The following ZBTB24 variants were observed in gnomAD, a reference collection of about 807,000 sequenced individuals.
ZBTB24 encodes zinc finger and BTB domain containing 24, also known as zinc finger and BTB domain-containing protein 24.
A neutral mutation model predicts 53.8 loss-of-function variants in ZBTB24; 32 were observed. The ratio of observed to expected loss-of-function variants is 0.60; its 90% CI spans 0.45 to 0.80. ZBTB24 has a LOEUF of 0.80. Among genes scored for constraint, ZBTB24 ranks in the 30% least tolerant of loss-of-function variants. The pLI is 0.00. For synonymous variants in ZBTB24, 297 were observed against 306.7 expected, an observed-to-expected ratio of 0.97 and a Z score of 0.33; for missense variants, 722 against 837.1, an observed-to-expected ratio of 0.86 and a Z score of 1.70.
chr6:109,473,927 A>G (rs1437890893), intron 5 of ZBTB24, among the ~76,000 whole-genome samples: 1 of 152,016 alleles, frequency 6.6e-6, no homozygotes, highest in Non-Finnish European at 1.5e-5. Context: ...TCTACAAAAA[A>G]AAAACACAAA....
chr6:109,482,199 C>G lies in ZBTB24; in HGVS notation c.-28-145G>C, dbSNP rs143861863. On this transcript the variant is annotated intron_variant, in intron 1 of 6. Coordinates refer to ENST00000230122, the MANE Select transcript of ZBTB24 (RefSeq NM_014797.3). ...TCTGTCTACAAACTTAGCTCTGGGCCCGGGCGCAGTGGCCTCACGCCTGTA... is the reference window on the plus strand; with the variant it reads ...TCTGTCTACAAACTTAGCTCTGGGCGCGGGCGCAGTGGCCTCACGCCTGTA... 3.9e-3 allele frequency: 2,851 copies of G among 722,432 alleles called. 21 individuals are homozygous for G. The highest frequency in any genetic ancestry group is 0.019 in the Middle Eastern group (49 of 2,578). 44.8% of individuals were successfully genotyped at this position (722,432 alleles called of 1,614,324 possible).
intron 2 of ZBTB24, among the ~76,000 whole-genome samples, chr6:109,478,840 A>G (rs1490243207): frequency 1.3e-5 from 2 of 152,148 alleles, no homozygotes; most frequent in Admixed American, 1.3e-4. Context: ...GAAGAAAAAA[A>G]AAAGCAACTT....
At chr6:109,480,981 T>A (rs988343161) in intron 2 of ZBTB24, 94 bp downstream of exon 2, 1 of 1,559,638 alleles carries the variant, frequency 6.4e-7, no homozygotes, top group African/African-American at 1.4e-5. Context: ...ACAATGCCCA[T>A]CACACAGAAG....
In ZBTB24 at chr6:109,466,092, T is replaced by C; in HGVS notation, c.1853A>G (p.Gln618Arg). The change falls in exon 7 of 7, where the codon CAG (glutamine) becomes CGG (arginine). Residue 618 changes from glutamine to arginine, a missense_variant. Coordinates refer to ENST00000230122, the MANE Select transcript of ZBTB24 (RefSeq NM_014797.3). ...CTGGCTTTCAATCATATTGAGGCTCTGAATGTGTTCTGTTTGCTCCTGTTG... is the reference window on the plus strand; with the variant it reads ...CTGGCTTTCAATCATATTGAGGCTCCGAATGTGTTCTGTTTGCTCCTGTTG... Reference protein sequence around the residue: ...SAQQEQTEHIQSLNMIESQMG... With the variant: ...SAQQEQTEHIRSLNMIESQMG... The C allele has an allele frequency of 6.2e-7, 1 of 1,614,270 alleles. No individual in the cohort carries two copies. The highest frequency in any genetic ancestry group is 1.1e-5 in the South Asian group (1 of 91,088).
chr6:109,473,963 C>A (rs1457855666), intron 5 of ZBTB24, among the ~76,000 whole-genome samples: 2 of 151,596 alleles, frequency 1.3e-5, no homozygotes, highest in Admixed American at 1.3e-4. Context: ...GTGGTGCGCA[C>A]CTGTAGTTCC....
chr6:109,476,915 T>A lies in ZBTB24; in HGVS notation c.968A>T (p.Lys323Ile). ...AAAGCCTTTTCCACACTCATTACAT[T>A]TGAAAGGTCGCTCCCCTGGAAGAAG... Reference protein sequence around the residue: ...QRSHTGERPFKCNECGKGFAQ... With the variant: ...QRSHTGERPFICNECGKGFAQ... Residue 323 changes from lysine (K) to isoleucine (I), a missense_variant, in exon 3 of 7, where the codon AAA becomes ATA. Transcript: ENST00000230122. 6.2e-7 allele frequency: 1 copy of A among 1,614,104 alleles called. No homozygotes were observed. The highest frequency in any genetic ancestry group is 8.5e-7 in the Non-Finnish European group (1 of 1,180,024).
chr6:109,480,950 A>G, intron 2 of ZBTB24, 125 bp downstream of exon 2: 2 of 1,517,916 alleles, frequency 1.3e-6, no homozygotes, highest in African/African-American at 1.4e-5. Context: ...TAACTGCAAT[A>G]ACATGTATAA....
rs752600909 is a variant in ZBTB24 at position 109,481,311 on chromosome 6, T to C, written c.716A>G (p.Tyr239Cys). The part of the protein sequence containing the change: ...EEMPVEKDEN[Y>C]DPKTEDGQAS... ...CTGGCCATCCTCGGTCTTGGGATCATAGTTCTCATCTTTTTCAACTGGCAT... is the reference window on the plus strand; with the variant it reads ...CTGGCCATCCTCGGTCTTGGGATCACAGTTCTCATCTTTTTCAACTGGCAT... Residue 239 changes from tyrosine (Y) to cysteine (C), a missense_variant, in exon 2 of 7, where the codon TAT becomes TGT. Coordinates refer to ENST00000230122, the MANE Select transcript of ZBTB24 (RefSeq NM_014797.3). The C allele has an allele frequency of 2.5e-5, 41 of 1,614,098 alleles. 1 individual carries two copies. Among genetic ancestry groups the C allele is most frequent in the African/African-American group, 1.6e-4 (12 of 74,932 alleles).
intron 5 of ZBTB24, among the ~76,000 whole-genome samples, chr6:109,469,882 G>A (rs1310442420): frequency 1.3e-5 from 2 of 152,208 alleles, no homozygotes; most frequent in Admixed American, 1.3e-4. Context: ...TGACTACACG[G>A]TGTGCACCAG....
intron 4 of ZBTB24, among the ~76,000 whole-genome samples, chr6:109,475,733 G>C (rs576766031): frequency 3.3e-5 from 5 of 152,306 alleles, no homozygotes; most frequent in African/African-American, 1.2e-4. Context: ...GTATTGGTGT[G>C]ACTGAGGCCA....
intron 2 of ZBTB24, among the ~76,000 whole-genome samples, chr6:109,478,455 T>C (rs368602073): frequency 2.6e-5 from 4 of 152,278 alleles, no homozygotes; most frequent in African/African-American, 7.2e-5. Flanking sequence ...CCAATTCATC[T>C]GCATCTCATT....
chr6:109,481,740 G>GT lies in ZBTB24; in HGVS notation c.286dup (p.Thr96AsnfsTer8). The GT allele has an allele frequency of 6.2e-7, 1 of 1,614,184 alleles. No homozygotes were observed. The highest frequency in any genetic ancestry group is 8.5e-7 in the Non-Finnish European group (1 of 1,180,042). On this transcript the variant is annotated frameshift_variant, in exon 2 of 7. Transcript: ENST00000230122. LOFTEE classifies it high-confidence loss of function. The stretch of plus-strand genomic sequence containing the variant: ...TTTCTCACTGGCATGGAGATAACCT[G>GT]TGTAGATAAATTCCAGCAGGATACC...
chr6:109,466,313 G>A lies in ZBTB24; in HGVS notation c.1632C>T (p.Leu544=), dbSNP rs552304421. 6.2e-7 allele frequency: 1 copy of A among 1,614,238 alleles called. No individual in the cohort carries two copies. The highest frequency in any genetic ancestry group is 2.2e-5 in the East Asian group (1 of 44,884). ...GAATTTCCTGCTCTCCCGAGGTAGA[G>A]AGTTGATATGGCTGTAGCTGAAGAA... is the stretch of plus-strand genomic sequence containing the variant. The part of the protein sequence containing the change: ...RNILQLQPYQ[L]STSGEQEIQL... Residue 544 remains leucine (L), a synonymous_variant, in exon 7 of 7, where the codon CTC becomes CTT. Transcript: ENST00000230122.
In ZBTB24 at chr6:109,480,822, T is replaced by C. The variant is rs547598970; in HGVS notation, c.952+253A>G. 29 of 570,424 alleles carry C rather than the reference T, an allele frequency of 5.1e-5. No individual in the cohort carries two copies. In the African/African-American group the frequency reaches 5.7e-4, roughly 11 times the overall value. The allele number at this position is 570,424 out of a possible 1,614,324, so 35.3% of individuals were successfully genotyped here. A position where few individuals can be genotyped will look rare whatever the true frequency, so the allele number is the denominator to read the frequency against. On this transcript the variant is annotated intron_variant, in intron 2 of 6. Transcript: ENST00000230122. Reference sequence around the variant, plus strand: ...GTTATTTAAGCTCCCTAGAACTTGGTTGCTTCATCTGTAAACTATGCACTT... The same window carrying C: ...GTTATTTAAGCTCCCTAGAACTTGGCTGCTTCATCTGTAAACTATGCACTT...
At chr6:109,467,466 C>A in intron 6 of ZBTB24, 187 bp downstream of exon 6, 1 of 955,236 alleles carries the variant, frequency 1.0e-6, no homozygotes, top group Non-Finnish European at 1.2e-6. Context: ...CCACTGCACT[C>A]CAGCCTGGGC....
At position 109,480,869 on chromosome 6, in the gene ZBTB24, G is replaced by C. The variant is rs1160678555; in HGVS notation, c.952+206C>G. 3 of 860,214 alleles carry C rather than the reference G, an allele frequency of 3.5e-6. No individual in the cohort carries two copies. The African/African-American group carries it at 5.5e-5, about 16-fold the overall frequency. The allele number at this position is 860,214 out of a possible 1,614,324, so 53.3% of individuals were successfully genotyped here. On this transcript the variant is annotated intron_variant, in intron 2 of 6. Transcript: ENST00000230122. ...ACTTTAGCAACCCTCTCTTACATAT[G>C]AGTAAATATGATTTTAATCATACAA...
Position 109,481,094 on chromosome 6 carries a change from G to T in ZBTB24, c.933C>A (p.Ile311=), listed in dbSNP as rs767968556. Reference sequence around the variant, plus strand: ...CATTACCTGTGTGGCTCCTCTGGTGGATTGCTAAAAAGTGATTGTACTTAA... The same window carrying T: ...CATTACCTGTGTGGCTCCTCTGGTGTATTGCTAAAAAGTGATTGTACTTAA... The part of the protein sequence containing the change: ...KVFKYNHFLA[I]HQRSHTGERP... Residue 311 remains isoleucine, a synonymous_variant, in exon 2 of 7, where the codon ATC becomes ATA. Coordinates refer to ENST00000230122, the MANE Select transcript of ZBTB24 (RefSeq NM_014797.3). 6.8e-6 allele frequency: 11 copies of T among 1,614,094 alleles called. No individual in the cohort carries two copies. In the South Asian group the frequency reaches 1.2e-4, roughly 18 times the overall value.
At chr6:109,478,251 T>C (rs1249675501) in intron 2 of ZBTB24, among the ~76,000 whole-genome samples, 1 of 152,212 alleles carries the variant, frequency 6.6e-6, no homozygotes, top group African/African-American at 2.4e-5. Flanking sequence ...AGAAGGTCTT[T>C]GGGACGCAGA....
intron 5 of ZBTB24, among the ~76,000 whole-genome samples, chr6:109,473,840 T>C (rs1027057424): frequency 6.6e-6 from 1 of 151,848 alleles, no homozygotes; most frequent in African/African-American, 2.4e-5. Context: ...CCCAGCGCTT[T>C]GGGAGGCTGG....
Sources: allele counts gnomAD v4.1 joint callset (sites outside exome capture counted in the v4.1 genomes callset), GRCh38; gene constraint gnomAD v4.1.1; transcripts MANE v1.5; gene names NCBI Gene and HGNC (gene_info 2026-07-23, HGNC 2026-07-21).